Variants in PPOX observed in about 807,000 individuals in gnomAD.
PPOX encodes protoporphyrinogen oxidase.
Under a neutral mutation model 54.1 loss-of-function variants are expected in PPOX, and 23 were observed. That is an observed-to-expected ratio of 0.43 (90% confidence interval 0.31 to 0.60). PPOX has a LOEUF of 0.60. Ranked by LOEUF, PPOX falls within the 20% of genes least tolerant of loss-of-function variation. PPOX has a pLI of 0.13. For synonymous variants in PPOX, 224 were observed against 236.1 expected (o/e 0.95, Z 0.47); for missense variants, 512 against 601.1 (o/e 0.85, Z 1.55).
downstream of PPOX, chr1:161,177,317 T>G (rs921951280): frequency 2.0e-5 from 11 of 541,290 alleles, no homozygotes; most frequent in Non-Finnish European, 3.7e-5. Context: ...TAGGACCCCG[T>G]CCCTGCTCAG....
rs1245369612 is a variant in PPOX at position 161,167,487 on chromosome 1, G to A, written c.338+1G>A. 1 of 1,610,402 alleles carries A rather than the reference G, an allele frequency of 6.2e-7. No homozygotes were observed. The highest frequency in any genetic ancestry group is 8.5e-7 in the Non-Finnish European group (1 of 1,179,330). ...TGCATGCCCTACCCACTGGCCTCAG[G>A]TAACACCAGCACCTCCGCTCCTTTT... On this transcript the variant is annotated splice_donor_variant, in intron 4 of 12. Coordinates refer to ENST00000367999, the MANE Select transcript of PPOX (RefSeq NM_001122764.3). LOFTEE classifies it high-confidence loss of function.
chr1:161,171,950 G>T, downstream of PPOX: 1 of 1,614,162 alleles, frequency 6.2e-7, no homozygotes, highest in Non-Finnish European at 8.5e-7. Flanking sequence ...GAAGGAGCCC[G>T]AGGACCCCGA....
At chr1:161,176,586 C>A in intron 4 of PPOX, 1 of 516,778 alleles carries the variant, frequency 1.9e-6, no homozygotes, top group South Asian at 2.4e-5. Flanking sequence ...CCAGCTGGAA[C>A]AGAAGTGGTA....
chr1:161,166,440 A>C lies in PPOX; in HGVS notation c.-241A>C, dbSNP rs753966977. 8.4e-7 allele frequency: 1 copy of C among 1,190,624 alleles called. No individual in the cohort carries two copies. The highest frequency in any genetic ancestry group is 1.1e-6 in the Non-Finnish European group (1 of 947,990). The allele number at this position is 1,190,624 out of a possible 1,614,324, so 73.8% of individuals were successfully genotyped here. ...GAGAACAGAGTGGACGGAGCGTAGG[A>C]GAGACCGAAAAGGCTGGGGGTGGGA... is the stretch of plus-strand genomic sequence containing the variant. On this transcript the variant is annotated 5_prime_UTR_variant, in exon 1 of 13. Coordinates refer to ENST00000367999, the MANE Select transcript of PPOX (RefSeq NM_001122764.3).
At chr1:161,174,178 C>T (rs970981996), downstream of PPOX, 35 of 937,882 alleles carry the variant, frequency 3.7e-5, no homozygotes, top group Non-Finnish European at 4.9e-5. Flanking sequence ...GAGGCCAAGG[C>T]AGGCAGATCA....
At chr1:161,171,881 G>T, downstream of PPOX, 1 of 1,614,170 alleles carries the variant, frequency 6.2e-7, no homozygotes, top group Non-Finnish European at 8.5e-7. Flanking sequence ...GCTGGGGGCC[G>T]GCGTTGCAGC....
At chr1:161,177,068 T>C, downstream of PPOX, 2 of 1,535,372 alleles carry the variant, frequency 1.3e-6, no homozygotes, top group Non-Finnish European at 1.7e-6. Flanking sequence ...CTTTTCTACC[T>C]TTCCCCTCTT....
At position 161,170,745 on chromosome 1, in the gene PPOX, C is replaced by T. The variant is rs1218413149; in HGVS notation, c.1224C>T (p.Ser408=). Residue 408 remains serine, a synonymous_variant, in exon 11 of 13, where the codon AGC becomes AGT. Coordinates refer to ENST00000367999, the MANE Select transcript of PPOX (RefSeq NM_001122764.3). ...AATTAGGACTGAAGGAGATGCCGAG[C>T]CACTGCTTGGTCCATCTACACAAGG... ...ATQLGLKEMP[S]HCLVHLHKNC... 6.2e-7 allele frequency: 1 copy of T among 1,613,980 alleles called. No homozygotes were observed. Among genetic ancestry groups the T allele is most frequent in the Admixed American group, 1.7e-5 (1 of 60,008 alleles).
Position 161,167,201 on chromosome 1 carries a change from A to C in PPOX, c.189A>C (p.Pro63=). The C allele has an allele frequency of 1.2e-6, 2 of 1,614,182 alleles. No individual in the cohort carries two copies. The highest frequency in any genetic ancestry group is 8.5e-7 in the Non-Finnish European group (1 of 1,180,020). ...IFELGPRGIR[P]AGALGARTLL... is the part of the protein sequence containing the mutation. ...AGCTTGGACCTCGGGGAATTAGGCC[A>C]GCGGGAGCCCTAGGGGCCCGGACCT... The change falls in exon 3 of 13, where the codon CCA becomes CCC. Residue 63 remains proline, a synonymous_variant. Coordinates refer to ENST00000367999, the MANE Select transcript of PPOX (RefSeq NM_001122764.3).
At chr1:161,165,744 T>A (rs181338719), upstream of PPOX, 6 of 279,080 alleles carry the variant, frequency 2.1e-5, no homozygotes, top group African/African-American at 1.1e-4. Context: ...ATTTGTATTT[T>A]TGCTTAGGGG....
rs140067116 is a variant in PPOX, at chr1:161,170,431, C to G, written c.1010C>G (p.Ser337Cys). 6 of 1,608,302 alleles carry G rather than the reference C, an allele frequency of 3.7e-6. No homozygotes were observed. The African/African-American group carries it at 8.1e-5, about 22-fold the overall frequency. ...CAGGGATTTGGACATTTGGTGCCATCTTCAGAAGATCCAGGAGTCCTGGGA... is the reference window on the plus strand; with the variant it reads ...CAGGGATTTGGACATTTGGTGCCATGTTCAGAAGATCCAGGAGTCCTGGGA... ...PVQGFGHLVP[S>C]SEDPGVLGIV... The change falls in exon 10 of 13, where the codon TCT becomes TGT. Residue 337 changes from serine to cysteine, a missense_variant. Ser to Cys is a moderately radical substitution (Grantham distance 112). Transcript: ENST00000367999.
rs1658970090 is a variant in PPOX at position 161,166,543 on chromosome 1, C to T, written c.-138C>T. 1.4e-6 allele frequency: 2 copies of T among 1,379,712 alleles called. No homozygotes were observed. The highest frequency in any genetic ancestry group is 9.4e-7 in the Non-Finnish European group (1 of 1,064,272). The allele number at this position is 1,379,712 out of a possible 1,614,324, so 85.5% of individuals were successfully genotyped here. On this transcript the variant is annotated 5_prime_UTR_variant, in exon 1 of 13. Transcript: ENST00000367999. ...CTCAGAACTCAGGCGTACTGCCCGC[C>T]GCCCGAGCCCTGCGAGGGCCGATAG...
At position 161,169,118 on chromosome 1, in the gene PPOX, G is replaced by C. The variant is rs767772339; in HGVS notation, c.742G>C (p.Gly248Arg). 12 of 1,614,124 alleles carry C rather than the reference G, an allele frequency of 7.4e-6. No homozygotes were observed. The highest frequency in any genetic ancestry group is 9.3e-6 in the Non-Finnish European group (11 of 1,180,058). Residue 248 changes from glycine to arginine, a missense_variant, in exon 7 of 13, where the codon GGG becomes CGG. Transcript: ENST00000367999. ...QALETHLTSR[G>R]VSVLRGQPVC... is the part of the protein sequence containing the mutation. The stretch of plus-strand genomic sequence containing the variant: ...CCTTGAAACCCACCTGACTAGTAGG[G>C]GGGTCAGTGTTCTCAGAGGCCAGCC...
intron 4 of PPOX, 64 bp downstream of exon 4, chr1:161,167,550 T>C (rs1050394805): frequency 4.0e-5 from 55 of 1,370,832 alleles, no homozygotes; most frequent in Non-Finnish European, 5.1e-5. Context: ...CATTTCTTTC[T>C]TCTTTTCTTT....
downstream of PPOX, chr1:161,172,427 TTAG>T (rs1661793905): frequency 9.2e-7 from 1 of 1,090,938 alleles, no homozygotes; most frequent in Admixed American, 2.9e-5. Context: ...CAACTATTAC[TTAG>T]TAGGCAAAAG....
chr1:161,170,321 T>TGGGGGGGGGCCCC, intron 9 of PPOX, 88 bp from the exon 10 acceptor site: 1 of 367,764 alleles, frequency 2.7e-6, no homozygotes, highest in Non-Finnish European at 5.3e-6. Flanking sequence ...TGAGACTCTG[T>TGGGGGGGGGCCCC]CCCCCCCACC....
At chr1:161,174,455 G>T, downstream of PPOX, among the ~76,000 whole-genome samples, 1 of 151,482 alleles carries the variant, frequency 6.6e-6, no homozygotes, top group East Asian at 1.9e-4. Flanking sequence ...GGAAATCAAA[G>T]TGGGGTGGAG....
downstream of PPOX, chr1:161,173,459 A>T: frequency 8.4e-7 from 1 of 1,196,128 alleles, no homozygotes; most frequent in Non-Finnish European, 1.2e-6. Context: ...TGACCTGGGT[A>T]TCCTAAAAAG....
downstream of PPOX, chr1:161,172,025 G>C (rs762438234): frequency 7.4e-5 from 119 of 1,614,084 alleles, no homozygotes; most frequent in Non-Finnish European, 9.6e-5. Flanking sequence ...GCCAGCAACT[G>C]GTATGTCAGT....
Sources: gnomAD v4.1 joint callset for allele counts (sites outside exome capture counted in the v4.1 genomes callset) on GRCh38, gnomAD v4.1.1 for gene constraint, MANE v1.5 for transcripts, NCBI Gene and HGNC (gene_info 2026-07-23, HGNC 2026-07-21) for gene names.